Variants in ABCA13 observed in about 807,000 individuals in gnomAD.
ABCA13 encodes the protein ATP-binding cassette sub-family A member 13.
ABCA13 carries 476 observed loss-of-function variants against 478.7 expected under a neutral mutation model. The ratio of observed to expected loss-of-function variants is 0.99; its 90% CI spans 0.92 to 1.07. The LOEUF is 1.07. Ranked by LOEUF, ABCA13 falls within the 50% of genes least tolerant of loss-of-function variation. The probability of loss-of-function intolerance (pLI) is 0.00; values close to 1 mark genes in which losing one functional copy is unlikely to be tolerated. For synonymous variants in ABCA13, 2,252 were observed against 2,158.9 expected, an observed-to-expected ratio of 1.04 and a Z score of -1.20; for missense variants, 6,060 against 5,910.6, an observed-to-expected ratio of 1.03 and a Z score of -0.83.
intron 14 of ABCA13, among the ~76,000 whole-genome samples, chr7:48,248,921 G>T (rs1006198716): frequency 7.9e-5 from 12 of 152,066 alleles, no homozygotes; most frequent in African/African-American, 2.9e-4. Context: ...TAATATTTAA[G>T]TTCACTTCCT....
chr7:48,339,453 G>C (rs920078463), intron 29 of ABCA13, among the ~76,000 whole-genome samples: 23 of 152,320 alleles, frequency 1.5e-4, no homozygotes, highest in African/African-American at 5.5e-4. Flanking sequence ...ACATGGGTCT[G>C]AGAGATTTCC....
chr7:48,293,594 A>G (rs1798893753), intron 20 of ABCA13, among the ~76,000 whole-genome samples: 1 of 152,206 alleles, frequency 6.6e-6, no homozygotes, highest in Non-Finnish European at 1.5e-5. Context: ...GTGACTAGGG[A>G]AAGTGTATAG....
chr7:48,362,924 T>G (rs1811112921), intron 31 of ABCA13, among the ~76,000 whole-genome samples: 1 of 152,182 alleles, frequency 6.6e-6, no homozygotes, highest in African/African-American at 2.4e-5. Context: ...CACCAACTTT[T>G]TCTTCGTCTC....
At chr7:48,640,584 G>A (rs560626294) in intron 59 of ABCA13, among the ~76,000 whole-genome samples, 18 of 152,100 alleles carry the variant, frequency 1.2e-4, no homozygotes, top group Admixed American at 2.0e-4. Context: ...TGGACATAAC[G>A]TATTATCTAG....
At chr7:48,294,713 TG>T (rs1799129599) in intron 20 of ABCA13, among the ~76,000 whole-genome samples, 1 of 152,144 alleles carries the variant, frequency 6.6e-6, no homozygotes, top group Non-Finnish European at 1.5e-5. Flanking sequence ...CCCAAAGTGC[TG>T]GGATTACAGG....
chr7:48,228,328 A>C (rs1308849949), intron 6 of ABCA13, among the ~76,000 whole-genome samples: 1 of 152,110 alleles, frequency 6.6e-6, no homozygotes. Flanking sequence ...ACACACCCTG[A>C]TTCCCTCTCA....
Position 48,520,284 on chromosome 7 carries a change from C to T in ABCA13, c.14041C>T (p.Arg4681Ter), listed in dbSNP as rs760564740. 74 of 1,610,238 alleles carry T rather than the reference C, an allele frequency of 4.6e-5. No homozygotes were observed. Among genetic ancestry groups the T allele is most frequent in the Non-Finnish European group, 5.4e-5 (64 of 1,177,522 alleles). Residue 4681 changes from arginine (R) to a stop codon, truncating the protein, a stop_gained, in exon 53 of 62, where the codon CGA (arginine) becomes TGA (stop). Coordinates refer to ENST00000435803, the MANE Select transcript of ABCA13 (RefSeq NM_152701.5). LOFTEE classifies it high-confidence loss of function. The stretch of plus-strand genomic sequence containing the variant: ...GGTTCTGCTACACTGGGACCTTCTG[C>T]GATGGCCAAGGTGGGTTCTGAAGGA... ...LRVLLHWDLLRWPRGHSTLQG... is the reference protein window; with the variant it reads ...LRVLLHWDLL
intron 5 of ABCA13, among the ~76,000 whole-genome samples, chr7:48,223,820 G>C (rs144940662): frequency 6.6e-6 from 1 of 151,990 alleles, no homozygotes; most frequent in Non-Finnish European, 1.5e-5. Context: ...ATCCAGGCGC[G>C]TAATGGCAGG....
intron 38 of ABCA13, among the ~76,000 whole-genome samples, chr7:48,396,136 C>T (rs1242968788): frequency 6.6e-6 from 1 of 152,214 alleles, no homozygotes; most frequent in Non-Finnish European, 1.5e-5. Flanking sequence ...CCCTCCCCTC[C>T]ACTGCTACCT....
intron 55 of ABCA13, among the ~76,000 whole-genome samples, chr7:48,537,718 C>G (rs1833676800): frequency 6.6e-6 from 1 of 152,050 alleles, no homozygotes; most frequent in African/African-American, 2.4e-5. Context: ...AACAGGTGAC[C>G]AAGGGTGACT....
intron 55 of ABCA13, among the ~76,000 whole-genome samples, chr7:48,567,873 C>T (rs1349301070): frequency 1.3e-5 from 2 of 151,988 alleles, no homozygotes; most frequent in Non-Finnish European, 2.9e-5. Flanking sequence ...TTGTAAAATG[C>T]TTCCATATTG....
intron 15 of ABCA13, among the ~76,000 whole-genome samples, chr7:48,265,822 T>A (rs971869414): frequency 2.0e-5 from 3 of 151,632 alleles, no homozygotes; most frequent in African/African-American, 4.8e-5. Flanking sequence ...GAAGGTAACA[T>A]CTTTGTCTTT....
chr7:48,590,629 G>A (rs73324228), intron 57 of ABCA13, among the ~76,000 whole-genome samples: 19,785 of 151,968 alleles, frequency 0.13, 2,470 homozygotes, highest in African/African-American at 0.33. Context: ...ACTTTTCTCC[G>A]AATCCTTGCC....
chr7:48,578,265 A>T (rs1788380972), intron 55 of ABCA13, among the ~76,000 whole-genome samples: 1 of 152,198 alleles, frequency 6.6e-6, no homozygotes, highest in South Asian at 2.1e-4. Context: ...CAGATTGTGA[A>T]GGAATAAATA....
intron 51 of ABCA13, among the ~76,000 whole-genome samples, chr7:48,516,480 G>A (rs1017896321): frequency 6.6e-6 from 1 of 152,026 alleles, no homozygotes; most frequent in Admixed American, 6.6e-5. Flanking sequence ...GAGTAGGCAC[G>A]CTGGCATATT....
chr7:48,388,200 C>T (rs138313830), intron 36 of ABCA13, among the ~76,000 whole-genome samples: 8 of 152,164 alleles, frequency 5.3e-5, no homozygotes, highest in East Asian at 1.9e-4. Context: ...TATTATTTAG[C>T]GTCCTCCCCT....
intron 5 of ABCA13, among the ~76,000 whole-genome samples, chr7:48,225,137 CT>C: frequency 9.3e-6 from 1 of 107,896 alleles, no homozygotes; most frequent in South Asian, 3.6e-4. Flanking sequence ...GCCTGCCTGC[CT>C]TCCTTCCTTC....
chr7:48,550,983 C>G lies in ABCA13; in HGVS notation c.14354+22638C>G, dbSNP rs372144400. On this transcript the variant is annotated intron_variant, in intron 55 of 61. Coordinates refer to ENST00000435803, the MANE Select transcript of ABCA13 (RefSeq NM_152701.5). The stretch of plus-strand genomic sequence containing the variant: ...CTAAATATTTCAAGAATTATTTTTT[C>G]TCTCTTGACTTATTTATGAAAAAAA... Among the ~76,000 whole-genome samples, 14 of 151,602 alleles carry G rather than the reference C, an allele frequency of 9.2e-5. No individual in the cohort carries two copies. The South Asian group carries it at 2.9e-3, about 31-fold the overall frequency.
rs772204219 is a variant in ABCA13 at position 48,239,411 on chromosome 7, G to A, written c.1062+6G>A. On this transcript the variant is annotated splice_donor_region_variant and intron_variant, in intron 9 of 61. Coordinates refer to ENST00000435803, the MANE Select transcript of ABCA13 (RefSeq NM_152701.5). ...GGCTGCGAGTCTACCAACAGGTGCTGTCCCCTCTCTCTATGTTCTGTTCAA... is the reference window on the plus strand; with the variant it reads ...GGCTGCGAGTCTACCAACAGGTGCTATCCCCTCTCTCTATGTTCTGTTCAA... 6.2e-7 allele frequency: 1 copy of A among 1,609,634 alleles called. No individual in the cohort carries two copies. Among genetic ancestry groups the A allele is most frequent in the Non-Finnish European group, 8.5e-7 (1 of 1,177,680 alleles).
Sources: allele counts gnomAD v4.1 joint callset (sites outside exome capture counted in the v4.1 genomes callset), GRCh38; gene constraint gnomAD v4.1.1; transcripts MANE v1.5; gene names NCBI Gene and HGNC (gene_info 2026-07-23, HGNC 2026-07-21).